NFIB: variants seen among roughly 807,000 people sequenced by gnomAD.
NFIB encodes the protein nuclear factor 1 B-type.
Under a neutral mutation model 61.5 loss-of-function variants are expected in NFIB, and 11 were observed. The observed-to-expected ratio is 0.18, with a 90% confidence interval of 0.11 to 0.30. NFIB has a LOEUF of 0.30. NFIB is among the 10% of genes least tolerant of loss of function. NFIB has a pLI of 1.00. For synonymous variants in NFIB, 260 were observed against 216.5 expected (o/e 1.20, Z -1.76); for missense variants, 471 against 608.9 (o/e 0.77, Z 2.38).
rs1257155776 is a variant in NFIB, at chr9:14,231,130, AAAAAAAT to A, written c.563-51357_563-51351del. 3.3e-4 allele frequency among the ~76,000 whole-genome samples: 31 copies of A among 94,346 alleles called. No individual in the cohort carries two copies. The East Asian group carries it at 3.9e-3, about 12-fold the overall frequency. The allele number at this position is 94,346 out of a possible 152,430, so 61.9% of individuals were successfully genotyped here. A position where few individuals can be genotyped will look rare whatever the true frequency, so the allele number is the denominator to read the frequency against. ...CAGTTTTTCCATGGGGAAAAAAAAA[AAAAAAAT>A]ATATATATATATATATATATATATA... On this transcript the variant is annotated intron_variant, in intron 2 of 10. Coordinates refer to ENST00000380953, the MANE Select transcript of NFIB (RefSeq NM_001190737.2).
intron 1 of NFIB, among the ~76,000 whole-genome samples, chr9:14,395,255 T>A (rs531632666): frequency 1.3e-5 from 2 of 149,872 alleles, no homozygotes; most frequent in South Asian, 4.2e-4. Context: ...CTGTGATTTT[T>A]AGAACTCAGG....
intron 1 of NFIB, among the ~76,000 whole-genome samples, chr9:14,358,325 C>T (rs374658146): frequency 8.6e-5 from 13 of 151,890 alleles, no homozygotes; most frequent in East Asian, 3.9e-4. Flanking sequence ...AAAGGCTGTT[C>T]GTTTCTTTCA....
chr9:14,443,433 G>T, the NFIB span, among the ~76,000 whole-genome samples: 45 of 152,220 alleles, frequency 3.0e-4, no homozygotes, highest in African/African-American at 9.2e-4. Context: ...CTGAAGTCAG[G>T]TGTCTCCCAC....
rs186632955 is a variant in NFIB, at chr9:14,215,362, T to C, written c.563-35582A>G. On this transcript the variant is annotated intron_variant, in intron 2 of 10. Coordinates refer to ENST00000380953, the MANE Select transcript of NFIB (RefSeq NM_001190737.2). ...GCAGTGAAAATGAAAACCTTAAACA[T>C]CTGCATATACTAAGACTATGTTAAG... Among the ~76,000 whole-genome samples, 5 of 145,988 alleles carry C rather than the reference T, an allele frequency of 3.4e-5. No individual in the cohort carries two copies. In the East Asian group the frequency reaches 9.6e-4, roughly 28 times the overall value.
intron 2 of NFIB, among the ~76,000 whole-genome samples, chr9:14,240,955 A>G (rs1316587559): frequency 2.0e-5 from 3 of 152,208 alleles, no homozygotes; most frequent in Non-Finnish European, 4.4e-5. Context: ...GTATCCTCAA[A>G]GCTTATTTGC....
chr9:14,206,088 A>C (rs1448064550), intron 2 of NFIB, among the ~76,000 whole-genome samples: 1 of 152,096 alleles, frequency 6.6e-6, no homozygotes, highest in African/African-American at 2.4e-5. Context: ...GCTATTTAAT[A>C]ATGGGCCACT....
chr9:14,516,884 G>A, the NFIB span, among the ~76,000 whole-genome samples: 3 of 152,214 alleles, frequency 2.0e-5, no homozygotes, highest in Non-Finnish European at 4.4e-5. Context: ...GCATGGTGTT[G>A]TCTGAGCACC....
chr9:14,304,407 G>GA (rs1262909455), intron 2 of NFIB, among the ~76,000 whole-genome samples: 1 of 152,166 alleles, frequency 6.6e-6, no homozygotes, highest in Non-Finnish European at 1.5e-5. Context: ...TTCTAGATCT[G>GA]GAAATTGTCA....
chr9:14,145,650 C>CTT lies in NFIB; in HGVS notation c.925+1037_925+1038dup, dbSNP rs34440136. ...AAAACCATTATTCCTTTCTTTTAGA[C>CTT]TTTTTTTTTTTTTTTTTTGAGACAG... On this transcript the variant is annotated intron_variant, in intron 6 of 10. Transcript: ENST00000380953. Among the ~76,000 whole-genome samples, 301 of 125,908 alleles carry CTT rather than the reference C, an allele frequency of 2.4e-3. 4 individuals are homozygous for CTT. The highest frequency in any genetic ancestry group is 7.8e-3 in the African/African-American group (271 of 34,760). The allele number at this position is 125,908 out of a possible 152,430, so 82.6% of individuals were successfully genotyped here. A position where few individuals can be genotyped will look rare whatever the true frequency, so the allele number is the denominator to read the frequency against.
At chr9:14,433,089 T>C in the NFIB span, among the ~76,000 whole-genome samples, 8 of 152,168 alleles carry the variant, frequency 5.3e-5, no homozygotes, top group African/African-American at 1.9e-4. Context: ...ATTTAAAACA[T>C]AGTGGGGTAT....
At chr9:14,426,855 G>C in the NFIB span, among the ~76,000 whole-genome samples, 1 of 152,158 alleles carries the variant, frequency 6.6e-6, no homozygotes, top group Non-Finnish European at 1.5e-5. Flanking sequence ...AAGCTCTCAA[G>C]TTGTAAAATG....
At chr9:14,423,502 T>G in the NFIB span, among the ~76,000 whole-genome samples, 1 of 152,190 alleles carries the variant, frequency 6.6e-6, no homozygotes, top group Non-Finnish European at 1.5e-5. Flanking sequence ...ACATCGAGCC[T>G]CTTCTCTATT....
the NFIB span, among the ~76,000 whole-genome samples, chr9:14,431,561 T>C: frequency 2.6e-4 from 39 of 152,218 alleles, no homozygotes; most frequent in African/African-American, 9.1e-4. Flanking sequence ...AAGTGGCTTC[T>C]GTTTGTTTGT....
the NFIB span, among the ~76,000 whole-genome samples, chr9:14,467,423 A>G: frequency 6.6e-6 from 1 of 152,052 alleles, no homozygotes; most frequent in African/African-American, 2.4e-5. Flanking sequence ...GACAGTGATT[A>G]GAGAAGCCAA....
chr9:14,524,578 G>T, the NFIB span, among the ~76,000 whole-genome samples: 1 of 152,182 alleles, frequency 6.6e-6, no homozygotes, highest in South Asian at 2.1e-4. Context: ...AATGGCACAG[G>T]TGAAATTTTT....
chr9:14,420,454 A>AAAAAAAAAAAAAAAAAAAC, the NFIB span, among the ~76,000 whole-genome samples: 1 of 149,530 alleles, frequency 6.7e-6, no homozygotes, highest in Non-Finnish European at 1.5e-5. Flanking sequence ...TCAAAAAAAA[A>AAAAAAAAAAAAAAAAAAAC]AAAAAAAAAA....
At chr9:14,131,260 T>C (rs1335882181) in intron 6 of NFIB, among the ~76,000 whole-genome samples, 1 of 152,194 alleles carries the variant, frequency 6.6e-6, no homozygotes, top group Non-Finnish European at 1.5e-5. Flanking sequence ...AAAGTTCAAG[T>C]AGGCTACTGA....
chr9:14,103,576 A>G (rs2036088848), intron 10 of NFIB, among the ~76,000 whole-genome samples: 1 of 152,180 alleles, frequency 6.6e-6, no homozygotes, highest in Non-Finnish European at 1.5e-5. Flanking sequence ...TGTTGTGGCC[A>G]AAGAAATAGG....
At chr9:14,431,895 T>C in the NFIB span, among the ~76,000 whole-genome samples, 1 of 152,230 alleles carries the variant, frequency 6.6e-6, no homozygotes, top group Non-Finnish European at 1.5e-5. Context: ...CCACTGCTTT[T>C]CTTTTAAACA....
Sources: gnomAD v4.1 joint callset for allele counts (sites outside exome capture counted in the v4.1 genomes callset) on GRCh38, gnomAD v4.1.1 for gene constraint, MANE v1.5 for transcripts, NCBI Gene and HGNC (gene_info 2026-07-23, HGNC 2026-07-21) for gene names.